Variants in PRAMEF1 observed in about 807,000 individuals in gnomAD.
PRAMEF1 encodes PRAME family member 1.
A neutral mutation model predicts 38.2 loss-of-function variants in PRAMEF1; 21 were observed. That is an observed-to-expected ratio of 0.55 (90% CI 0.39 to 0.79). The LOEUF is 0.79. Among genes scored for constraint, PRAMEF1 ranks in the 30% least tolerant of loss-of-function variants. The probability of loss-of-function intolerance (pLI) is 0.00; values close to 1 mark genes in which losing one functional copy is unlikely to be tolerated. For synonymous variants in PRAMEF1, 200 were observed against 229.0 expected, an observed-to-expected ratio of 0.87 and a Z score of 1.14; for missense variants, 497 against 565.8, an observed-to-expected ratio of 0.88 and a Z score of 1.23.
rs1369387806 is a variant in PRAMEF1 at position 12,793,909 on chromosome 1, C to T, written c.288-6C>T. 6.2e-7 allele frequency: 1 copy of T among 1,608,556 alleles called. No individual in the cohort carries two copies. The highest frequency in any genetic ancestry group is 8.5e-7 in the Non-Finnish European group (1 of 1,178,242). On this transcript the variant is annotated splice_polypyrimidine_tract_variant and splice_region_variant and intron_variant, in intron 2 of 3. Coordinates refer to ENST00000332296, the MANE Select transcript of PRAMEF1 (RefSeq NM_023013.4). ...ATTCTGAGTCTCTCCCTTACTTTAC[C>T]CACAGGAGGTGGAAACTTCAAGTGC... is the stretch of plus-strand genomic sequence containing the variant.
At chr1:12,791,773 C>T (rs60310853) in intron 1 of PRAMEF1, among the ~76,000 whole-genome samples, 13 of 148,946 alleles carry the variant, frequency 8.7e-5, no homozygotes, top group Non-Finnish European at 1.3e-4. Context: ...TTTTTGTGCC[C>T]TTCAATTACA....
At position 12,796,442 on chromosome 1, in the gene PRAMEF1, T is replaced by C. The variant is rs1639406786; in HGVS notation, c.*446T>C. The C allele has an allele frequency of 1.1e-5, 2 of 175,966 alleles. No homozygotes were observed. The highest frequency in any genetic ancestry group is 1.1e-4 in the Admixed American group (2 of 18,340). 10.9% of individuals were successfully genotyped at this position (175,966 alleles called of 1,614,324 possible). A position where few individuals can be genotyped will look rare whatever the true frequency, so the allele number is the denominator to read the frequency against. On this transcript the variant is annotated 3_prime_UTR_variant, in exon 4 of 4. Transcript: ENST00000332296. ...GATGAGACTGTTATCCCTGCAAGGA[T>C]GGTTACCAAGGAATATCAGCAATAA...
rs5000864 is a variant in PRAMEF1 at position 12,793,082 on chromosome 1, T to C, written c.-25-121T>C. ...GGAGCAATGGAAGAAAATTAATAAG[T>C]CAGTGGTCTCCATGACCCCTCCCTC... is the stretch of plus-strand genomic sequence containing the variant. On this transcript the variant is annotated intron_variant, in intron 1 of 3. Coordinates refer to ENST00000332296, the MANE Select transcript of PRAMEF1 (RefSeq NM_023013.4). 4 of 1,318,968 alleles carry C rather than the reference T, an allele frequency of 3.0e-6. 1 individual carries two copies. The highest frequency in any genetic ancestry group is 2.8e-5 in the South Asian group (2 of 70,272). 81.7% of individuals were successfully genotyped at this position (1,318,968 alleles called of 1,614,324 possible). A position where few individuals can be genotyped will look rare whatever the true frequency, so the allele number is the denominator to read the frequency against.
Position 12,793,172 on chromosome 1 carries a change from G to A in PRAMEF1, c.-25-31G>A, listed in dbSNP as rs543831335. The stretch of plus-strand genomic sequence containing the variant: ...GCAGATGATTGTCTTTGCCCTGAGA[G>A]TGACACATTTTCCCTGGATTTGTCT... On this transcript the variant is annotated intron_variant, in intron 1 of 3. Transcript: ENST00000332296. 24 of 1,601,806 alleles carry A rather than the reference G, an allele frequency of 1.5e-5. 1 individual carries two copies. The highest frequency in any genetic ancestry group is 2.0e-5 in the Non-Finnish European group (24 of 1,174,056).
At chr1:12,793,703 G>T (rs759047041) in intron 2 of PRAMEF1, among the ~76,000 whole-genome samples, 189 bp downstream of exon 2, 4 of 151,348 alleles carry the variant, frequency 2.6e-5, no homozygotes, top group Admixed American at 6.6e-5. Context: ...GGTCCACTGT[G>T]GGAACAGAAA....
At position 12,795,651 on chromosome 1, in the gene PRAMEF1, G is replaced by C; in HGVS notation, c.1080G>C (p.Gln360His). The C allele has an allele frequency of 6.2e-7, 1 of 1,611,418 alleles. No individual in the cohort carries two copies. Among genetic ancestry groups the C allele is most frequent in the East Asian group, 2.2e-5 (1 of 44,850 alleles). Residue 360 changes from glutamine (Q) to histidine (H), a missense_variant, in exon 4 of 4, where the codon CAG becomes CAC. Transcript: ENST00000332296. ...SLKTLILEGC[Q>H]IHYSQLSAIL... is the part of the protein sequence containing the mutation. ...AAACCCTCATCTTGGAGGGCTGTCAGATCCACTACTCCCAACTCAGTGCCA... is the reference window on the plus strand; with the variant it reads ...AAACCCTCATCTTGGAGGGCTGTCACATCCACTACTCCCAACTCAGTGCCA...
At chr1:12,793,584 A>G (rs1639334668) in intron 2 of PRAMEF1, 70 bp downstream of exon 2, 11 of 1,542,424 alleles carry the variant, frequency 7.1e-6, no homozygotes, top group African/African-American at 1.4e-5. Flanking sequence ...GGTCAGGCAG[A>G]GAAGTAGCCC....
At position 12,794,740 on chromosome 1, in the gene PRAMEF1, T is replaced by C. The variant is rs865858353; in HGVS notation, c.866+247T>C. On this transcript the variant is annotated intron_variant, in intron 3 of 3. Transcript: ENST00000332296. ...AGAGGGACATCATGTACAAGCTAGT[T>C]AGTGGGGGTTTCAGCTCTATTGGGG... The C allele has an allele frequency of 8.6e-5, 121 of 1,411,950 alleles. 4 individuals are homozygous for C. Among genetic ancestry groups the C allele is most frequent in the Middle Eastern group, 5.3e-4 (2 of 3,774 alleles). 87.5% of individuals were successfully genotyped at this position (1,411,950 alleles called of 1,614,324 possible).
At chr1:12,795,088 T>G in intron 3 of PRAMEF1, 1 of 1,049,384 alleles carries the variant, frequency 9.5e-7, no homozygotes, top group Non-Finnish European at 1.3e-6. Context: ...TGCTGACATG[T>G]AGCTCTAGCT....
rs1208580130 is a variant in PRAMEF1, at chr1:12,796,554, G to C, written c.*558G>C. On this transcript the variant is annotated 3_prime_UTR_variant, in exon 4 of 4. Transcript: ENST00000332296. ...ATCGAGTTACGGATGGAAAAATAACGAAATACTAATTTGTCTGTGATTGAG... is the reference window on the plus strand; with the variant it reads ...ATCGAGTTACGGATGGAAAAATAACCAAATACTAATTTGTCTGTGATTGAG... The C allele has an allele frequency of 6.5e-6, 1 of 154,614 alleles. No individual in the cohort carries two copies. The highest frequency in any genetic ancestry group is 6.3e-5 in the Admixed American group (1 of 15,934). 9.6% of individuals were successfully genotyped at this position (154,614 alleles called of 1,614,324 possible). A position where few individuals can be genotyped will look rare whatever the true frequency, so the allele number is the denominator to read the frequency against.
chr1:12,791,848 G>T (rs368706674), intron 1 of PRAMEF1, among the ~76,000 whole-genome samples: 5 of 149,928 alleles, frequency 3.3e-5, no homozygotes, highest in Admixed American at 6.7e-5. Context: ...ATCCTTAAAG[G>T]TATCCCACAC....
At position 12,793,472 on chromosome 1, in the gene PRAMEF1, T is replaced by A. The variant is rs1397576854; in HGVS notation, c.245T>A (p.Leu82Gln). The A allele has an allele frequency of 1.1e-5, 18 of 1,609,300 alleles. 1 individual carries two copies. Among genetic ancestry groups the A allele is most frequent in the Non-Finnish European group, 1.5e-5 (18 of 1,177,790 alleles). ...CATTTGGAGACCTTAAAAGCATTGC[T>A]GGAAGGGCTTCATATGCTGCTTACA... is the stretch of plus-strand genomic sequence containing the variant. Reference protein sequence around the residue: ...TLHLETLKALLEGLHMLLTQK... With the variant: ...TLHLETLKALQEGLHMLLTQK... The change falls in exon 2 of 4, where the codon CTG becomes CAG. Residue 82 changes from leucine to glutamine, a missense_variant. Transcript: ENST00000332296.
intron 1 of PRAMEF1, among the ~76,000 whole-genome samples, chr1:12,792,423 G>A (rs1270291385): frequency 1.3e-5 from 2 of 151,196 alleles, no homozygotes; most frequent in Non-Finnish European, 3.0e-5. Flanking sequence ...TGTACTCTGA[G>A]TGTGTCACCC....
rs192645786 is a variant in PRAMEF1, at chr1:12,796,586, T to C, written c.*590T>C. On this transcript the variant is annotated 3_prime_UTR_variant, in exon 4 of 4. Coordinates refer to ENST00000332296, the MANE Select transcript of PRAMEF1 (RefSeq NM_023013.4). ...TAATTTGTCTGTGATTGAGTTTCAG[T>C]TGTAGAACATCAAAGCAACCAAATA... is the stretch of plus-strand genomic sequence containing the variant. 5 of 154,680 alleles carry C rather than the reference T, an allele frequency of 3.2e-5. No homozygotes were observed. Among genetic ancestry groups the C allele is most frequent in the Admixed American group, 1.9e-4 (3 of 15,976 alleles). 9.6% of individuals were successfully genotyped at this position (154,680 alleles called of 1,614,324 possible).
chr1:12,793,014 T>C (rs1291819377), intron 1 of PRAMEF1, among the ~76,000 whole-genome samples, 189 bp from the exon 2 acceptor site: 4 of 150,994 alleles, frequency 2.6e-5, no homozygotes, highest in Non-Finnish European at 4.4e-5. Flanking sequence ...AGCTTGGCTT[T>C]CAGGATCCTC....
intron 2 of PRAMEF1, 39 bp downstream of exon 2, chr1:12,793,553 T>A: frequency 6.3e-7 from 1 of 1,582,264 alleles, no homozygotes; most frequent in Non-Finnish European, 8.6e-7. Context: ...AGGGCTCAGG[T>A]GTCCAGGGAA....
intron 1 of PRAMEF1, 71 bp from the exon 2 acceptor site, chr1:12,793,132 C>T: frequency 1.9e-6 from 3 of 1,555,904 alleles, no homozygotes; most frequent in African/African-American, 1.4e-5. Context: ...GACATTCTTC[C>T]TGGTACCAGT....
chr1:12,791,506 T>A (rs1569725498), intron 1 of PRAMEF1, 32 bp downstream of exon 1: 1 of 147,700 alleles, frequency 6.8e-6, no homozygotes, highest in East Asian at 2.1e-4. Context: ...GTCATGCCCA[T>A]CTGATCAGCA....
At chr1:12,791,521 G>GC (rs1404396369) in intron 1 of PRAMEF1, 47 bp downstream of exon 1, 2 of 147,918 alleles carry the variant, frequency 1.4e-5, no homozygotes, top group African/African-American at 4.9e-5. Context: ...TCAGCAGCCA[G>GC]CCAGTCAGGG....
Sources: gnomAD v4.1 joint callset for allele counts (sites outside exome capture counted in the v4.1 genomes callset) on GRCh38, gnomAD v4.1.1 for gene constraint, MANE v1.5 for transcripts, NCBI Gene and HGNC (gene_info 2026-07-23, HGNC 2026-07-21) for gene names.